VPS13D: variants seen among roughly 807,000 people sequenced by gnomAD.
VPS13D encodes the protein vacuolar protein sorting 13 homolog D, also known as intermembrane lipid transfer protein VPS13D.
VPS13D carries 187 observed loss-of-function variants against 461.9 expected under a neutral mutation model. The observed-to-expected ratio is 0.40, with a 90% CI of 0.36 to 0.46. The LOEUF (loss-of-function observed/expected upper bound fraction) is 0.46. Among genes scored for constraint, VPS13D ranks in the 20% least tolerant of loss-of-function variants. VPS13D has a pLI of 0.60. For missense variants in VPS13D, 4,711 were observed against 5,364.9 expected, an observed-to-expected ratio of 0.88 and a Z score of 3.81; for synonymous variants, 1,951 against 1,986.3, an observed-to-expected ratio of 0.98 and a Z score of 0.47.
At chr1:12,263,377 G>C (rs578247349) in intron 13 of VPS13D, among the ~76,000 whole-genome samples, 13 of 152,190 alleles carry the variant, frequency 8.5e-5, no homozygotes, top group Admixed American at 1.3e-4. Flanking sequence ...GTGCATATCA[G>C]GTGGCTTGAA....
At position 12,277,582 on chromosome 1, in the gene VPS13D, A is replaced by G; in HGVS notation, c.3994A>G (p.Lys1332Glu). The change falls in exon 19 of 70, where the codon AAG becomes GAG. Residue 1332 changes from lysine to glutamate, a missense_variant. This residue lies in a region of VPS13D where 4,411 missense variants were observed against 4,937.8 expected (regional missense o/e 0.89). Transcript: ENST00000620676. ...CAAAGTCACCACAGTACTAGCTACCAAGACTGCCGAGTATAGCGAGATGGT... is the reference window on the plus strand; with the variant it reads ...CAAAGTCACCACAGTACTAGCTACCGAGACTGCCGAGTATAGCGAGATGGT... ...ATKVTTVLAT[K>E]TAEYSEMVSL... 3 of 1,614,010 alleles carry G rather than the reference A, an allele frequency of 1.9e-6. No individual in the cohort carries two copies. Among genetic ancestry groups the G allele is most frequent in the Non-Finnish European group, 2.5e-6 (3 of 1,180,028 alleles).
At chr1:12,415,396 G>C (rs1379403528) in intron 64 of VPS13D, among the ~76,000 whole-genome samples, 175 bp downstream of exon 64, 1 of 152,170 alleles carries the variant, frequency 6.6e-6, no homozygotes, top group Non-Finnish European at 1.5e-5. Flanking sequence ...TGAAAATCCT[G>C]AGATAGTACA....
At chr1:12,254,895 T>C (rs974021059) in intron 7 of VPS13D, among the ~76,000 whole-genome samples, 2 of 151,998 alleles carry the variant, frequency 1.3e-5, no homozygotes, top group African/African-American at 4.8e-5. Context: ...CTCATTTTTT[T>C]CCTCCACCCA....
At chr1:12,310,424 A>G (rs967252739) in intron 27 of VPS13D, among the ~76,000 whole-genome samples, 8 of 152,292 alleles carry the variant, frequency 5.3e-5, no homozygotes, top group African/African-American at 1.9e-4. Flanking sequence ...TAGGATTCAC[A>G]ATGCCCAGTT....
At chr1:12,396,525 T>C (rs1644501359) in intron 60 of VPS13D, among the ~76,000 whole-genome samples, 1 of 152,144 alleles carries the variant, frequency 6.6e-6, no homozygotes, top group Non-Finnish European at 1.5e-5. Context: ...AGTTTAAATA[T>C]GTTCAGGAAA....
At chr1:12,402,081 G>GAAATCCTTTGTTTCTTA (rs1644589443) in intron 62 of VPS13D, among the ~76,000 whole-genome samples, 1 of 152,178 alleles carries the variant, frequency 6.6e-6, no homozygotes, top group Non-Finnish European at 1.5e-5. Flanking sequence ...TTCTTAAACA[G>GAAATCCTTTGTTTCTTA]ACTCCAGGCC....
At chr1:12,310,219 C>G (rs1642694458) in intron 27 of VPS13D, among the ~76,000 whole-genome samples, 1 of 151,728 alleles carries the variant, frequency 6.6e-6, no homozygotes, top group South Asian at 2.1e-4. Context: ...GCAAGGTGTC[C>G]TGTCAGTCTC....
chr1:12,377,638 G>T (rs1644217211), intron 55 of VPS13D, among the ~76,000 whole-genome samples: 1 of 151,584 alleles, frequency 6.6e-6, no homozygotes, highest in Non-Finnish European at 1.5e-5. Context: ...TGGCCAACAT[G>T]GCGAAACCCT....
At chr1:12,460,641 T>C (rs943754021) in intron 67 of VPS13D, among the ~76,000 whole-genome samples, 1 of 150,028 alleles carries the variant, frequency 6.7e-6, no homozygotes, top group South Asian at 2.1e-4. Context: ...ATTTTATATA[T>C]GTATGTATAT....
intron 60 of VPS13D, among the ~76,000 whole-genome samples, chr1:12,395,887 CA>C (rs1644488383): frequency 6.6e-6 from 1 of 150,458 alleles, no homozygotes; most frequent in Admixed American, 6.7e-5. Context: ...CCAGAAACCC[CA>C]AAGCCAATGA....
Position 12,379,564 on chromosome 1 carries a change from C to G in VPS13D, c.11158C>G (p.Leu3720Val). Residue 3720 changes from leucine to valine, a missense_variant, in exon 57 of 70, where the codon CTG becomes GTG. This residue lies in a region of VPS13D where 4,411 missense variants were observed against 4,937.8 expected (regional missense o/e 0.89). Transcript: ENST00000620676. ...GACGTGGAGTTTCCGAGAAGGAAAA[C>G]TGACCTGTGGGTTACATGGGTTGGT... ...TQTWSFREGK[L>V]TCGLHGLVVQ... The G allele has an allele frequency of 6.2e-7, 1 of 1,613,592 alleles. No individual in the cohort carries two copies. The highest frequency in any genetic ancestry group is 1.3e-5 in the African/African-American group (1 of 75,018).
intron 46 of VPS13D, among the ~76,000 whole-genome samples, chr1:12,352,965 C>CAAAAAAAAAAAAAAA (rs61588046): frequency 3.4e-4 from 6 of 17,588 alleles, no homozygotes; most frequent in African/African-American, 7.8e-4. Context: ...AACTCAGTCT[C>CAAAAAAAAAAAAAAA]AAAAAAAAAA....
intron 65 of VPS13D, among the ~76,000 whole-genome samples, chr1:12,440,995 A>G (rs548860679): frequency 6.6e-6 from 1 of 151,466 alleles, no homozygotes; most frequent in Non-Finnish European, 1.5e-5. Flanking sequence ...GTGCAATCTC[A>G]GCTCGCTGCA....
At chr1:12,438,797 T>C (rs2100332910) in intron 65 of VPS13D, among the ~76,000 whole-genome samples, 1 of 152,368 alleles carries the variant, frequency 6.6e-6, no homozygotes, top group East Asian at 1.9e-4. Context: ...AAAGAAGAAC[T>C]AATATTTGAT....
chr1:12,244,481 C>T (rs775319463), intron 4 of VPS13D, 45 bp downstream of exon 4: 200 of 1,613,740 alleles, frequency 1.2e-4, no homozygotes, highest in Non-Finnish European at 1.6e-4. Flanking sequence ...TGTGGTGACA[C>T]GTGTAAGATG....
In VPS13D at chr1:12,464,832, T is replaced by C. The variant is rs1645460867; in HGVS notation, c.12662+4436T>C. On this transcript the variant is annotated intron_variant, in intron 67 of 69. Coordinates refer to ENST00000620676, the MANE Select transcript of VPS13D (RefSeq NM_015378.4). ...AAGTATGTGTGGTTTGGAACTGAAA[T>C]AAGAAACCTTTTCCAAGGCAACGTT... is the stretch of plus-strand genomic sequence containing the variant. 2.0e-5 allele frequency: 3 copies of C among 152,236 alleles called. No individual in the cohort carries two copies. In the South Asian group the frequency reaches 6.2e-4, roughly 32 times the overall value. 9.4% of individuals were successfully genotyped at this position (152,236 alleles called of 1,614,324 possible). A position where few individuals can be genotyped will look rare whatever the true frequency, so the allele number is the denominator to read the frequency against.
intron 2 of VPS13D, among the ~76,000 whole-genome samples, chr1:12,237,611 A>T (rs1282012772): frequency 6.8e-6 from 1 of 146,432 alleles, no homozygotes; most frequent in Non-Finnish European, 1.5e-5. Flanking sequence ...CTGAGGCCAG[A>T]AGTTCAAGAC....
At chr1:12,287,422 A>G (rs900948970) in intron 21 of VPS13D, among the ~76,000 whole-genome samples, 3 of 151,772 alleles carry the variant, frequency 2.0e-5, no homozygotes, top group East Asian at 1.9e-4. Flanking sequence ...TTGAGTACCT[A>G]CTTTGTGGCA....
Position 12,500,292 on chromosome 1 carries a change from C to T in VPS13D, c.12794+2661C>T, listed in dbSNP as rs1055276964. 4.4e-6 allele frequency: 4 copies of T among 903,120 alleles called. No homozygotes were observed. In the African/African-American group the frequency reaches 7.2e-5, roughly 16 times the overall value. The allele number at this position is 903,120 out of a possible 1,614,324, so 55.9% of individuals were successfully genotyped here. ...TCATATATTCCTCTGATAAGTTGCA[C>T]AATTGTCATTGCTTCCCATCTTTCT... On this transcript the variant is annotated intron_variant, in intron 68 of 69. Coordinates refer to ENST00000620676, the MANE Select transcript of VPS13D (RefSeq NM_015378.4).
Sources: gnomAD v4.1 joint callset for allele counts (sites outside exome capture counted in the v4.1 genomes callset) on GRCh38, gnomAD v4.1.1 for gene constraint, gnomAD v4.1.1 regional missense constraint, MANE v1.5 for transcripts, NCBI Gene and HGNC (gene_info 2026-07-23, HGNC 2026-07-21) for gene names.